Variants in NCKAP5 observed in about 807,000 individuals in gnomAD.
The protein encoded by NCKAP5 is nck-associated protein 5.
NCKAP5 carries 92 observed loss-of-function variants against 167.0 expected under a neutral mutation model. That is an observed-to-expected ratio of 0.55 (90% CI 0.47 to 0.66). The LOEUF (loss-of-function observed/expected upper bound fraction) is 0.66, where lower values mean the gene tolerates loss of function less well. Ranked by LOEUF, NCKAP5 falls within the 30% of genes least tolerant of loss-of-function variation. The pLI is 0.00. For missense variants in NCKAP5, 2,378 were observed against 2,315.0 expected, an observed-to-expected ratio of 1.03 and a Z score of -0.56; for synonymous variants, 891 against 877.4, an observed-to-expected ratio of 1.02 and a Z score of -0.27.
rs565716884 is a variant in NCKAP5, at chr2:133,536,254, AT to A, written c.-61-18668del. ...AGTATTTCCAAGGTTTTCTTCTAGG[AT>A]TTTTATAGTTTCAGGTCTTACACTT... On this transcript the variant is annotated intron_variant, in intron 2 of 19. Coordinates refer to ENST00000409261, the MANE Select transcript of NCKAP5 (RefSeq NM_207363.3). Among the ~76,000 whole-genome samples, 249 of 152,036 alleles carry A rather than the reference AT, an allele frequency of 1.6e-3. 1 individual carries two copies. Among genetic ancestry groups the A allele is most frequent in the Admixed American group, 2.6e-3 (39 of 15,268 alleles).
chr2:132,801,741 T>G (rs1222591667), intron 11 of NCKAP5, among the ~76,000 whole-genome samples: 2 of 152,220 alleles, frequency 1.3e-5, no homozygotes, highest in Non-Finnish European at 2.9e-5. Context: ...TTGCCTTCAT[T>G]CAGTCAGTTT....
intron 4 of NCKAP5, among the ~76,000 whole-genome samples, chr2:133,282,717 G>T (rs1559349054): frequency 6.6e-6 from 1 of 152,266 alleles, no homozygotes; most frequent in East Asian, 1.9e-4. Flanking sequence ...CTTACACCAG[G>T]CTAAACAGGA....
intron 19 of NCKAP5, among the ~76,000 whole-genome samples, chr2:132,710,670 A>G (rs1688754378): frequency 6.6e-6 from 1 of 152,094 alleles, no homozygotes; most frequent in Non-Finnish European, 1.5e-5. Flanking sequence ...ATATCATCTC[A>G]CCCTGGGACC....
At chr2:132,718,996 C>T (rs4954355) in intron 19 of NCKAP5, among the ~76,000 whole-genome samples, 62,638 of 151,960 alleles carry the variant, frequency 0.41, 15,579 homozygotes, top group African/African-American at 0.68. Context: ...AGACTTCCTG[C>T]TGGGGGTAAA....
chr2:132,911,810 T>C (rs1450357443), intron 8 of NCKAP5, among the ~76,000 whole-genome samples: 1 of 152,132 alleles, frequency 6.6e-6, no homozygotes, highest in African/African-American at 2.4e-5. Flanking sequence ...GATTTATTAT[T>C]CCCTGGATCC....
chr2:133,018,279 T>C (rs1388809761), intron 6 of NCKAP5, among the ~76,000 whole-genome samples: 1 of 152,186 alleles, frequency 6.6e-6, no homozygotes, highest in Non-Finnish European at 1.5e-5. Flanking sequence ...AGAAGAGGCC[T>C]GAGTTCTTGA....
intron 6 of NCKAP5, among the ~76,000 whole-genome samples, chr2:133,054,916 G>T (rs1481702008): frequency 6.6e-6 from 1 of 152,118 alleles, no homozygotes; most frequent in Non-Finnish European, 1.5e-5. Context: ...TGAAAACCCT[G>T]ATGAAAAGTG....
At chr2:133,383,261 T>A (rs918045305) in intron 3 of NCKAP5, among the ~76,000 whole-genome samples, 1 of 152,150 alleles carries the variant, frequency 6.6e-6, no homozygotes. Context: ...TTCCCCTTCC[T>A]GTATCCAAGT....
intron 6 of NCKAP5, among the ~76,000 whole-genome samples, chr2:133,051,460 G>A (rs769876457): frequency 4.6e-5 from 7 of 152,272 alleles, no homozygotes; most frequent in South Asian, 4.1e-4. Flanking sequence ...TGAAAGGAAC[G>A]TGGGCTGGAA....
chr2:132,766,624 C>T (rs1251652394), intron 16 of NCKAP5, among the ~76,000 whole-genome samples: 1 of 152,132 alleles, frequency 6.6e-6, no homozygotes, highest in Non-Finnish European at 1.5e-5. Flanking sequence ...TGAAGCAGGT[C>T]CCAGAGTTCC....
At chr2:132,878,111 G>A (rs531918529) in intron 9 of NCKAP5, among the ~76,000 whole-genome samples, 1 of 152,178 alleles carries the variant, frequency 6.6e-6, no homozygotes, top group African/African-American at 2.4e-5. Context: ...GACAGGATGC[G>A]TCGGTGATTG....
intron 3 of NCKAP5, among the ~76,000 whole-genome samples, chr2:133,341,760 T>A (rs1683601945): frequency 6.6e-6 from 1 of 152,198 alleles, no homozygotes; most frequent in Non-Finnish European, 1.5e-5. Context: ...TGTCAACTCC[T>A]ATCTTTCCTG....
At chr2:133,105,534 T>A (rs968179849) in intron 6 of NCKAP5, among the ~76,000 whole-genome samples, 14 of 152,326 alleles carry the variant, frequency 9.2e-5, no homozygotes, top group African/African-American at 3.4e-4. Context: ...TTCCCTCTAT[T>A]CCCTTGCCTC....
chr2:133,465,807 C>T (rs1692538464), intron 3 of NCKAP5, among the ~76,000 whole-genome samples: 1 of 150,702 alleles, frequency 6.6e-6, no homozygotes, highest in African/African-American at 2.4e-5. Context: ...TAAATGTCTT[C>T]TTTTGAGAAG....
chr2:132,901,953 G>T (rs1452900323), intron 8 of NCKAP5, among the ~76,000 whole-genome samples: 1 of 152,148 alleles, frequency 6.6e-6, no homozygotes, highest in Non-Finnish European at 1.5e-5. Context: ...CATGCATTTT[G>T]CTTTTGAAAA....
intron 3 of NCKAP5, among the ~76,000 whole-genome samples, chr2:133,390,654 G>T (rs1243779731): frequency 6.6e-6 from 1 of 152,076 alleles, no homozygotes; most frequent in Non-Finnish European, 1.5e-5. Context: ...ATTTCCCCTA[G>T]AGTAGTGGTT....
At chr2:133,276,995 T>C (rs1190835414) in intron 4 of NCKAP5, among the ~76,000 whole-genome samples, 1 of 152,160 alleles carries the variant, frequency 6.6e-6, no homozygotes, top group East Asian at 1.9e-4. Flanking sequence ...TTTAACACTC[T>C]TCCTGATGAA....
intron 11 of NCKAP5, 100 bp from the exon 12 acceptor site, chr2:132,796,829 A>C: frequency 1.3e-6 from 1 of 799,042 alleles, no homozygotes; most frequent in Non-Finnish European, 2.0e-6. Context: ...TGACATTTCC[A>C]GATTAGATAA....
chr2:133,634,878 T>A, the NCKAP5 span, among the ~76,000 whole-genome samples: 1 of 151,850 alleles, frequency 6.6e-6, no homozygotes, highest in African/African-American at 2.4e-5. Flanking sequence ...TTCTTTCTTT[T>A]TTTTTTTTAG....
Sources: gnomAD v4.1 joint callset for allele counts (sites outside exome capture counted in the v4.1 genomes callset) on GRCh38, gnomAD v4.1.1 for gene constraint, MANE v1.5 for transcripts, NCBI Gene and HGNC (gene_info 2026-07-23, HGNC 2026-07-21) for gene names.